Variants in WNK1 observed in about 807,000 individuals in gnomAD.
The protein encoded by WNK1 is WNK lysine deficient protein kinase 1.
In WNK1, 38 loss-of-function variants were observed where a neutral mutation model predicts 222.8. The observed-to-expected ratio is 0.17, with a 90% CI of 0.13 to 0.22. The LOEUF (loss-of-function observed/expected upper bound fraction) is 0.22, where lower values mean the gene tolerates loss of function less well. WNK1 is among the 10% of genes least tolerant of loss of function. The pLI, the probability that WNK1 is intolerant of heterozygous loss-of-function variation, is 1.00. For missense variants in WNK1, 2,348 were observed against 2,918.4 expected (o/e 0.80, Z 4.50); for synonymous variants, 1,090 against 1,092.9 (o/e 1.00, Z 0.05).
rs750384751 is a variant in WNK1 at position 868,500 on chromosome 12, C to T, written c.2140-2765C>T. The T allele has an allele frequency of 6.8e-6, 11 of 1,613,820 alleles. No individual in the cohort carries two copies. The highest frequency in any genetic ancestry group is 1.3e-5 in the African/African-American group (1 of 74,898). On this transcript the variant is annotated intron_variant, in intron 8 of 27. Coordinates refer to ENST00000315939, the MANE Select transcript of WNK1 (RefSeq NM_018979.4). ...GATTCTGGATTGGGTCCGGGATCTC[C>T]CCTCTCTAGTATTTCTGCACCTATC...
At chr12:861,484 C>A in intron 7 of WNK1, 141 bp downstream of exon 7, 1 of 760,480 alleles carries the variant, frequency 1.3e-6, no homozygotes, top group Non-Finnish European at 2.2e-6. Flanking sequence ...TGTCGTCTAG[C>A]TTCTCTTTAT....
At chr12:856,468 AATAAG>A (rs1565526846) in intron 4 of WNK1, among the ~76,000 whole-genome samples, 8 of 151,958 alleles carry the variant, frequency 5.3e-5, no homozygotes, top group African/African-American at 1.9e-4. Context: ...GAAAAAAAAA[AATAAG>A]AAAGAATTTA....
At chr12:858,334 C>G (rs1342863329) in intron 5 of WNK1, among the ~76,000 whole-genome samples, 1 of 151,966 alleles carries the variant, frequency 6.6e-6, no homozygotes, top group Non-Finnish European at 1.5e-5. Context: ...GGACTACAGA[C>G]GCACATCACC....
At position 859,236 on chromosome 12, in the gene WNK1, G is replaced by C. The variant is rs185132208; in HGVS notation, c.1401-9G>C. On this transcript the variant is annotated splice_polypyrimidine_tract_variant and intron_variant, in intron 5 of 27. Transcript: ENST00000315939. ...TTTTTGTTCCTTTTCTTTTCCCTCT[G>C]TTTGGAAGATATTCCATCAAAGACC... 5 of 1,604,732 alleles carry C rather than the reference G, an allele frequency of 3.1e-6. No individual in the cohort carries two copies. The highest frequency in any genetic ancestry group is 4.3e-6 in the Non-Finnish European group (5 of 1,171,936).
At chr12:856,628 T>C (rs1056299204) in intron 4 of WNK1, among the ~76,000 whole-genome samples, 3 of 152,226 alleles carry the variant, frequency 2.0e-5, no homozygotes, top group Non-Finnish European at 2.9e-5. Context: ...CATTGTGTTT[T>C]ATTTGTGCAG....
chr12:783,351 T>A lies in WNK1; in HGVS notation c.759+29027T>A, dbSNP rs1337984099. On this transcript the variant is annotated intron_variant, in intron 1 of 27. Transcript: ENST00000315939. The stretch of plus-strand genomic sequence containing the variant: ...CACCAGCAACATTTCAGTGAAGTAC[T>A]CAATAACCATACTTGGGGCTGGGCG... Among the ~76,000 whole-genome samples, 3 of 152,258 alleles carry A rather than the reference T, an allele frequency of 2.0e-5. No homozygotes were observed. In the East Asian group the frequency reaches 5.8e-4, roughly 29 times the overall value.
intron 26 of WNK1, among the ~76,000 whole-genome samples, chr12:907,261 C>T (rs1955787589): frequency 6.8e-6 from 1 of 146,616 alleles, no homozygotes; most frequent in African/African-American, 2.6e-5. Context: ...GCAGGGGTTG[C>T]AGTTAGGTAG....
Position 884,250 on chromosome 12 carries a change from G to T in WNK1, c.3844+7G>T. The T allele has an allele frequency of 6.2e-7, 1 of 1,613,960 alleles. No individual in the cohort carries two copies. The highest frequency in any genetic ancestry group is 8.5e-7 in the Non-Finnish European group (1 of 1,179,916). ...AGTGAAATAACAGATACAGGTAAGGGATTGATTCTGCCACATTGTTATGTA... is the reference window on the plus strand; with the variant it reads ...AGTGAAATAACAGATACAGGTAAGGTATTGATTCTGCCACATTGTTATGTA... On this transcript the variant is annotated splice_region_variant and intron_variant, in intron 18 of 27. Transcript: ENST00000315939. The surrounding 1 kb of genome is among the most constrained non-coding windows in gnomAD (Gnocchi z 5.6).
intron 2 of WNK1, among the ~76,000 whole-genome samples, chr12:822,088 T>TC (rs71051392): frequency 3.3e-3 from 90 of 27,272 alleles, no homozygotes; most frequent in African/African-American, 7.2e-3. Context: ...GTCTTATACC[T>TC]TTTTTTTTTT....
At chr12:844,921 A>AGTCTCGCTCT (rs1374484490) in intron 4 of WNK1, among the ~76,000 whole-genome samples, 1 of 98,056 alleles carries the variant, frequency 1.0e-5, no homozygotes, top group Non-Finnish European at 1.8e-5. Flanking sequence ...TTTGAGACGG[A>AGTCTCGCTCT]GTCTCGCTCT....
Position 885,521 on chromosome 12 carries a change from C to G in WNK1, c.4717C>G (p.Pro1573Ala). ...QPGGLHPLVI[P>A]SVIASTPILP... ...TGGTGGGCTGCATCCTTTGGTCATT[C>G]CATCAGTGATAGCTTCTACTCCTAT... The change falls in exon 19 of 28, where the codon CCA (proline) becomes GCA (alanine). Residue 1573 changes from proline to alanine, a missense_variant. Pro to Ala is a conservative substitution (Grantham distance 27). This residue lies in a region of WNK1 where 1,144 missense variants were observed against 1,273.6 expected (regional missense o/e 0.90). Coordinates refer to ENST00000315939, the MANE Select transcript of WNK1 (RefSeq NM_018979.4). 1 of 1,614,102 alleles carries G rather than the reference C, an allele frequency of 6.2e-7. No homozygotes were observed. The highest frequency in any genetic ancestry group is 1.1e-5 in the South Asian group (1 of 91,086).
At chr12:897,209 T>C (rs1328533944) in intron 24 of WNK1, among the ~76,000 whole-genome samples, 1 of 152,176 alleles carries the variant, frequency 6.6e-6, no homozygotes, top group Non-Finnish European at 1.5e-5. Flanking sequence ...ATTCAGCTAT[T>C]GTGTGCGTGG....
At chr12:820,790 TTA>T (rs1947802719) in intron 2 of WNK1, among the ~76,000 whole-genome samples, 1 of 152,212 alleles carries the variant, frequency 6.6e-6, no homozygotes, top group African/African-American at 2.4e-5. Context: ...TTTGGGATTT[TTA>T]TATATTGGAT....
At position 883,146 on chromosome 12, in the gene WNK1, T is replaced by A. The variant is rs1953328449; in HGVS notation, c.3489+87T>A. ...TAGGCAAATATGCCATATTTTATAA[T>A]CCATGTTTTTTTAAAGTTATGCATT... On this transcript the variant is annotated intron_variant, in intron 15 of 27. Transcript: ENST00000315939. 7.3e-6 allele frequency: 8 copies of A among 1,093,296 alleles called. No individual in the cohort carries two copies. In the East Asian group the frequency reaches 1.6e-4, roughly 22 times the overall value. The allele number at this position is 1,093,296 out of a possible 1,614,324, so 67.7% of individuals were successfully genotyped here. A position where few individuals can be genotyped will look rare whatever the true frequency, so the allele number is the denominator to read the frequency against.
At chr12:811,654 TGG>T (rs1555104692) in intron 1 of WNK1, among the ~76,000 whole-genome samples, 2 of 152,146 alleles carry the variant, frequency 1.3e-5, no homozygotes, top group Non-Finnish European at 2.9e-5. Context: ...TAAAGTCTTT[TGG>T]GTGCTAAAAT....
At chr12:757,488 G>GCTAATTACAAGCATCAATTCT (rs1940297269) in intron 1 of WNK1, among the ~76,000 whole-genome samples, 1 of 151,798 alleles carries the variant, frequency 6.6e-6, no homozygotes, top group Non-Finnish European at 1.5e-5. Context: ...ACCACACCCA[G>GCTAATTACAAGCATCAATTCT]CTAATTACAA....
intron 4 of WNK1, among the ~76,000 whole-genome samples, chr12:847,218 G>A (rs1015522346): frequency 4.6e-5 from 7 of 152,022 alleles, no homozygotes; most frequent in African/African-American, 1.4e-4. Flanking sequence ...TTCACAAGGC[G>A]GTAGACTACA....
At chr12:882,171 A>G (rs766713845) in intron 14 of WNK1, 98 bp downstream of exon 14, 77 of 1,346,332 alleles carry the variant, frequency 5.7e-5, no homozygotes, top group Non-Finnish European at 7.1e-5. Context: ...ACTTCATAAA[A>G]TAAAGATAAC....
Position 879,736 on chromosome 12 carries a change from T to A in WNK1, c.2537T>A (p.Ile846Lys). The A allele has an allele frequency of 6.2e-7, 1 of 1,614,046 alleles. No homozygotes were observed. The highest frequency in any genetic ancestry group is 2.2e-5 in the East Asian group (1 of 44,872). Residue 846 changes from isoleucine (I) to lysine (K), a missense_variant, in exon 11 of 28, where the codon ATA becomes AAA. Physicochemically the swap from Ile to Lys is moderately radical, Grantham distance 102. Around this residue, in one of 13 missense-constraint regions of WNK1, gnomAD observed 547 missense variants for 558.3 expected, o/e 0.98. Transcript: ENST00000315939. ...LPQYPVSQIP[I>K]STPHVSTAQT... ...CAGTACCCTGTCTCTCAGATTCCCA[T>A]ATCAACTCCTCATGTGTCTACGGCT...
Sources: allele counts gnomAD v4.1 joint callset (sites outside exome capture counted in the v4.1 genomes callset), GRCh38; gene constraint gnomAD v4.1.1; regional missense constraint gnomAD v4.1.1; non-coding constraint Gnocchi (gnomAD v3.1); transcripts MANE v1.5; gene names NCBI Gene and HGNC (gene_info 2026-07-23, HGNC 2026-07-21).